Variants in CDH23 observed in about 807,000 individuals in gnomAD.
The protein encoded by CDH23 is cadherin-23.
In CDH23, 189 loss-of-function variants were observed where a neutral mutation model predicts 317.1. The ratio of observed to expected loss-of-function variants is 0.60; its 90% CI spans 0.53 to 0.67. The LOEUF is 0.67. CDH23 is among the 30% of genes least tolerant of loss of function. The pLI is 0.00. For missense variants in CDH23, 4,401 were observed against 4,592.4 expected, an observed-to-expected ratio of 0.96 and a Z score of 1.20; for synonymous variants, 1,839 against 1,876.8, an observed-to-expected ratio of 0.98 and a Z score of 0.52.
At chr10:71,489,941 A>G (rs1852561671) in intron 3 of CDH23, among the ~76,000 whole-genome samples, 1 of 151,572 alleles carries the variant, frequency 6.6e-6, no homozygotes, top group South Asian at 2.1e-4. Flanking sequence ...TCTTTTTTTT[A>G]AAGACTGGCT....
intron 9 of CDH23, among the ~76,000 whole-genome samples, chr10:71,593,917 T>C (rs965083112): frequency 6.6e-6 from 1 of 152,158 alleles, no homozygotes; most frequent in Non-Finnish European, 1.5e-5. Context: ...GCCAGGAGTT[T>C]AGACCAGCCT....
In CDH23 at chr10:71,815,909, T is replaced by TTG. The variant is rs1286623745; in HGVS notation, c.*639_*640dup. The TTG allele has an allele frequency of 2.5e-5, 4 of 159,242 alleles. No homozygotes were observed. Among genetic ancestry groups the TTG allele is most frequent in the Non-Finnish European group, 5.6e-5 (4 of 71,646 alleles). 9.9% of individuals were successfully genotyped at this position (159,242 alleles called of 1,614,324 possible). A position where few individuals can be genotyped will look rare whatever the true frequency, so the allele number is the denominator to read the frequency against. On this transcript the variant is annotated 3_prime_UTR_variant, in exon 70 of 70. Transcript: ENST00000224721. Reference sequence around the variant, plus strand: ...CCCTCCGGTTTTGAATGTGGAGTGTTTGTGTGTGTTCCTTTTTTAAATTAA... The same window carrying TTG: ...CCCTCCGGTTTTGAATGTGGAGTGTTTGTGTGTGTGTTCCTTTTTTAAATTAA...
At chr10:71,713,052 G>A (rs755503876) in intron 28 of CDH23, 7 of 737,302 alleles carry the variant, frequency 9.5e-6, no homozygotes, top group Non-Finnish European at 1.8e-5. Flanking sequence ...CAAACAGGAG[G>A]AAGACTTGGC....
chr10:71,468,677 C>G (rs1851367505), intron 3 of CDH23, among the ~76,000 whole-genome samples: 1 of 152,222 alleles, frequency 6.6e-6, no homozygotes, highest in African/African-American at 2.4e-5. Flanking sequence ...TGTCTGGCAC[C>G]TCAGCTTTTG....
intron 41 of CDH23, among the ~76,000 whole-genome samples, chr10:71,781,500 G>A (rs1002881134): frequency 1.3e-5 from 2 of 152,194 alleles, no homozygotes; most frequent in Admixed American, 6.5e-5. Context: ...GTGAGCAGCT[G>A]AAGCCCCTCC....
intron 38 of CDH23, chr10:71,757,634 C>T (rs41305713): frequency 2.6e-5 from 4 of 152,288 alleles, no homozygotes; most frequent in South Asian, 2.1e-4. Flanking sequence ...AGGTAGCTGC[C>T]GACACCGCAC....
chr10:71,794,484 T>C (rs1458711258), intron 48 of CDH23: 2 of 152,238 alleles, frequency 1.3e-5, no homozygotes, highest in Admixed American at 6.5e-5. Flanking sequence ...GTAATGCTGA[T>C]GGTTTTATCA....
intron 1 of CDH23, among the ~76,000 whole-genome samples, chr10:71,401,942 C>T (rs1474923944): frequency 1.3e-5 from 2 of 152,138 alleles, no homozygotes; most frequent in Non-Finnish European, 2.9e-5. Flanking sequence ...TATTGAATCC[C>T]ATAGGGCAGA....
At chr10:71,429,065 A>G (rs1459234834) in intron 1 of CDH23, among the ~76,000 whole-genome samples, 1 of 152,168 alleles carries the variant, frequency 6.6e-6, no homozygotes, top group African/African-American at 2.4e-5. Context: ...TGATGCATAA[A>G]AGTTTTTCAT....
chr10:71,634,299 G>A (rs10823806), intron 11 of CDH23, among the ~76,000 whole-genome samples: 75,022 of 151,758 alleles, frequency 0.49, 19,288 homozygotes, highest in Non-Finnish European at 0.59. Flanking sequence ...CTTGGGACAG[G>A]CCTGGGTGCA....
intron 48 of CDH23, 127 bp downstream of exon 48, chr10:71,793,767 C>T: frequency 1.4e-6 from 1 of 719,534 alleles, no homozygotes; most frequent in Non-Finnish European, 2.2e-6. Flanking sequence ...CTCTCCCCCT[C>T]CTCTGGAGGG....
rs774602402 is a variant in CDH23 at position 71,751,781 on chromosome 10, G to A, written c.4845+9860G>A. The stretch of plus-strand genomic sequence containing the variant: ...CTGCCGCTGGGCCACATAGGACAGG[G>A]GGTGCCTGACTTTGGCCTCGGGTAT... On this transcript the variant is annotated intron_variant, in intron 38 of 69. Transcript: ENST00000224721. The surrounding 1 kb of genome is among the most constrained non-coding windows in gnomAD (Gnocchi z 4.9). 3.1e-6 allele frequency: 5 copies of A among 1,601,354 alleles called. No individual in the cohort carries two copies. The highest frequency in any genetic ancestry group is 4.3e-6 in the Non-Finnish European group (5 of 1,173,850).
chr10:71,505,043 C>A (rs1450933621), intron 3 of CDH23, among the ~76,000 whole-genome samples: 1 of 152,148 alleles, frequency 6.6e-6, no homozygotes, highest in African/African-American at 2.4e-5. Context: ...TTCCAATGTA[C>A]CGTCTTAAAC....
chr10:71,718,849 T>G (rs1866415258), intron 28 of CDH23, among the ~76,000 whole-genome samples: 1 of 152,060 alleles, frequency 6.6e-6, no homozygotes, highest in Admixed American at 6.5e-5. Context: ...GGAGGATCAC[T>G]TGAGCCCAGG....
chr10:71,623,098 G>C (rs377328530), intron 11 of CDH23, among the ~76,000 whole-genome samples: 9 of 152,330 alleles, frequency 5.9e-5, no homozygotes, highest in Non-Finnish European at 2.9e-5. Flanking sequence ...TGCCCTCCCA[G>C]AGCTTATATT....
chr10:71,662,889 C>T (rs1335064522), intron 14 of CDH23, among the ~76,000 whole-genome samples: 1 of 152,202 alleles, frequency 6.6e-6, no homozygotes, highest in African/African-American at 2.4e-5. Flanking sequence ...CAGGGCTGTC[C>T]TTCCTCCTCA....
intron 36 of CDH23, 99 bp from the exon 37 acceptor site, chr10:71,740,723 C>G: frequency 6.5e-7 from 1 of 1,529,576 alleles, no homozygotes; most frequent in Non-Finnish European, 8.9e-7. Context: ...TTTGCCCTCC[C>G]AAATGCTCCC....
chr10:71,579,181 T>TAGGGGTTAA (rs1564665679), intron 9 of CDH23, among the ~76,000 whole-genome samples: 1 of 152,146 alleles, frequency 6.6e-6, no homozygotes, highest in Non-Finnish European at 1.5e-5. Flanking sequence ...CTTGGGAAGC[T>TAGGGGTTAA]AGGGGTTAGC....
chr10:71,603,280 C>G (rs191478415), intron 9 of CDH23, among the ~76,000 whole-genome samples: 2 of 152,208 alleles, frequency 1.3e-5, no homozygotes, highest in African/African-American at 4.8e-5. Flanking sequence ...CTCTCCCACT[C>G]CTTCCTCCCT....
Sources: allele counts gnomAD v4.1 joint callset (sites outside exome capture counted in the v4.1 genomes callset), GRCh38; gene constraint gnomAD v4.1.1; non-coding constraint Gnocchi (gnomAD v3.1); transcripts MANE v1.5; gene names NCBI Gene and HGNC (gene_info 2026-07-23, HGNC 2026-07-21).